PROSER3: variants seen among roughly 807,000 people sequenced by gnomAD.
The protein encoded by PROSER3 is proline and serine rich 3, also known as proline and serine-rich protein 3.
PROSER3 carries 33 observed loss-of-function variants against 50.2 expected under a neutral mutation model. The ratio of observed to expected loss-of-function variants is 0.66; its 90% CI spans 0.50 to 0.88. PROSER3 has a LOEUF of 0.88. Ranked by LOEUF, PROSER3 falls within the 40% of genes least tolerant of loss-of-function variation. The pLI is 0.00. For synonymous variants in PROSER3, 266 were observed against 259.3 expected (o/e 1.03, Z -0.25); for missense variants, 623 against 612.7 (o/e 1.02, Z -0.18).
chr19:35,770,324 C>T (rs1207187418), downstream of PROSER3, among the ~76,000 whole-genome samples: 2 of 152,124 alleles, frequency 1.3e-5, no homozygotes, highest in African/African-American at 4.8e-5. Context: ...AGATGTGAGC[C>T]ACCGCACCTG....
At chr19:35,768,214 G>T (rs75802152) in exon 10 of PROSER3, 1 of 1,613,126 alleles carries the variant, frequency 6.2e-7, no homozygotes, top group Non-Finnish European at 8.5e-7. Flanking sequence ...AGCCCATAGG[G>T]CAGAGCTGAG....
At chr19:35,766,638 C>T (rs1971149925) in intron 7 of PROSER3, 130 bp from the exon 8 acceptor site, 1 of 642,632 alleles carries the variant, frequency 1.6e-6, no homozygotes, top group East Asian at 2.9e-5. Flanking sequence ...CAGAGAGGAG[C>T]TGGGACAGTA....
chr19:35,758,210 C>G (rs372100420), exon 1 of PROSER3: 1 of 1,561,652 alleles, frequency 6.4e-7, no homozygotes. Flanking sequence ...CGGAGGGAGC[C>G]GCGGGATGGA....
exon 11 of PROSER3, chr19:35,768,596 C>G: frequency 7.4e-7 from 1 of 1,353,346 alleles, no homozygotes; most frequent in South Asian, 1.4e-5. Context: ...TTTTTTCATA[C>G]AGTTACTGGT....
intron 3 of PROSER3, among the ~76,000 whole-genome samples, chr19:35,760,211 TTTTATTTA>T (rs561726783): frequency 6.6e-6 from 1 of 152,136 alleles, no homozygotes; most frequent in Non-Finnish European, 1.5e-5. Context: ...CTTTATCTCT[TTTTATTTA>T]TTTATTTATT....
chr19:35,761,962 CT>C, intron 3 of PROSER3, 56 bp from the exon 4 acceptor site: 2 of 1,500,716 alleles, frequency 1.3e-6, no homozygotes, highest in East Asian at 4.8e-5. Context: ...TATAATTATT[CT>C]TATTATTATT....
Position 35,760,430 on chromosome 19 carries a change from T to C in PROSER3, c.311+439T>C, listed in dbSNP as rs1970920011. Among the ~76,000 whole-genome samples the C allele has an allele frequency of 2.0e-5, 3 of 152,186 alleles. No homozygotes were observed. The South Asian group carries it at 6.2e-4, about 31-fold the overall frequency. ...AAGTGCTGTGATTACAGGCCAGACG[T>C]ACCATGCCCAGCCTCAGTTTATTTA... On this transcript the variant is annotated intron_variant, in intron 3 of 10. Coordinates refer to ENST00000396908, the Ensembl canonical transcript of PROSER3.
intron 5 of PROSER3, among the ~76,000 whole-genome samples, chr19:35,763,696 T>A (rs904608738): frequency 7.4e-5 from 11 of 149,198 alleles, no homozygotes; most frequent in African/African-American, 2.7e-4. Context: ...TTAGTAGAGA[T>A]GGGGTTTCAC....
chr19:35,760,202 T>C (rs574331431), intron 3 of PROSER3, among the ~76,000 whole-genome samples: 2 of 152,242 alleles, frequency 1.3e-5, no homozygotes, highest in East Asian at 3.9e-4. Context: ...CCTCAGTTTC[T>C]TTATCTCTTT....
intron 7 of PROSER3, among the ~76,000 whole-genome samples, chr19:35,765,778 C>T (rs1704566605): frequency 6.6e-6 from 1 of 152,006 alleles, no homozygotes; most frequent in South Asian, 2.1e-4. Context: ...CAAGCGATCC[C>T]CCCACCGCCT....
At chr19:35,765,124 C>A (rs777526573) in exon 7 of PROSER3, 1 of 1,613,964 alleles carries the variant, frequency 6.2e-7, no homozygotes, top group Non-Finnish European at 8.5e-7. Context: ...TCTCTCCCTT[C>A]TCGGAGACCT....
At chr19:35,758,603 T>C (rs1970848201) in intron 1 of PROSER3, 1 of 258,596 alleles carries the variant, frequency 3.9e-6, no homozygotes, top group South Asian at 1.4e-4. Flanking sequence ...ATCTACCCTT[T>C]GCCTTCGTGT....
chr19:35,761,688 A>G (rs867669704), intron 3 of PROSER3, among the ~76,000 whole-genome samples: 14 of 152,040 alleles, frequency 9.2e-5, no homozygotes, highest in African/African-American at 3.4e-4. Flanking sequence ...AATTACAAAT[A>G]AATAAATAAA....
intron 1 of PROSER3, chr19:35,758,743 A>G (rs902425276): frequency 4.5e-5 from 7 of 153,872 alleles, no homozygotes; most frequent in Admixed American, 3.3e-4. Flanking sequence ...AATCTTGGCT[A>G]CTGCAACCTC....
chr19:35,761,276 C>A (rs1025854286), intron 3 of PROSER3, among the ~76,000 whole-genome samples: 1 of 152,210 alleles, frequency 6.6e-6, no homozygotes, highest in African/African-American at 2.4e-5. Context: ...TGACTCATTC[C>A]TGTAATCCCA....
At chr19:35,765,340 A>G (rs4806203) in intron 7 of PROSER3, among the ~76,000 whole-genome samples, 164 bp downstream of exon 7, 19,932 of 152,142 alleles carry the variant, frequency 0.13, 1,423 homozygotes, top group African/African-American at 0.19. Context: ...AGGCGGGCAG[A>G]TTGCCTGAGC....
chr19:35,761,020 C>G (rs1261639983), intron 3 of PROSER3, among the ~76,000 whole-genome samples: 1 of 152,228 alleles, frequency 6.6e-6, no homozygotes, highest in African/African-American at 2.4e-5. Flanking sequence ...TGTGGCAACC[C>G]GTAGTTGAGG....
At chr19:35,758,214 GGATGGACCGCA>G (rs1285208667) in exon 1 of PROSER3, 9 of 1,562,254 alleles carry the variant, frequency 5.8e-6, no homozygotes, top group Non-Finnish European at 7.8e-6. Context: ...GGGAGCCGCG[GGATGGACCGCA>G]GGTGAGGCCG....
chr19:35,760,414 G>A (rs529219019), intron 3 of PROSER3, among the ~76,000 whole-genome samples: 1 of 152,206 alleles, frequency 6.6e-6, no homozygotes, highest in East Asian at 1.9e-4. Flanking sequence ...AAAGTGCTGT[G>A]ATTACAGGCC....
Sources: gnomAD v4.1 joint callset for allele counts (sites outside exome capture counted in the v4.1 genomes callset) on GRCh38, gnomAD v4.1.1 for gene constraint, MANE v1.5 for transcripts, NCBI Gene and HGNC (gene_info 2026-07-23, HGNC 2026-07-21) for gene names.